The following SMIM14 variants were observed in gnomAD, a reference collection of about 807,000 sequenced individuals.
SMIM14 encodes the protein small integral membrane protein 14, also known as chromosome 4 open reading frame 34.
SMIM14 carries 5 observed loss-of-function variants against 12.6 expected under a neutral mutation model. The observed-to-expected ratio is 0.40, with a 90% CI of 0.21 to 0.83. The LOEUF (loss-of-function observed/expected upper bound fraction) is 0.83. Among genes scored for constraint, SMIM14 ranks in the 40% least tolerant of loss-of-function variants. SMIM14 has a pLI of 0.37. For synonymous variants in SMIM14, 30 were observed against 40.1 expected (o/e 0.75, Z 0.95); for missense variants, 86 against 119.1 (o/e 0.72, Z 1.29).
At chr4:39,598,093 CAA>C in intron 2 of SMIM14, among the ~76,000 whole-genome samples, 1 of 152,272 alleles carries the variant, frequency 6.6e-6, no homozygotes, top group East Asian at 1.9e-4. Context: ...GTCCTCCCCA[CAA>C]AAAGTTTTCT....
intron 1 of SMIM14, among the ~76,000 whole-genome samples, chr4:39,623,389 C>T (rs934140792): frequency 1.3e-5 from 2 of 152,202 alleles, no homozygotes; most frequent in East Asian, 1.9e-4. Context: ...CCCCTCTCCC[C>T]GACTCCATGC....
chr4:39,604,958 A>G, intron 2 of SMIM14, 113 bp downstream of exon 2: 1 of 691,916 alleles, frequency 1.4e-6, no homozygotes, highest in Non-Finnish European at 2.5e-6. Context: ...TCAATTATGA[A>G]ATACTCTTTA....
chr4:39,553,130 G>A (rs1009938218), intron 4 of SMIM14, among the ~76,000 whole-genome samples: 10 of 149,412 alleles, frequency 6.7e-5, no homozygotes, highest in African/African-American at 1.5e-4. Flanking sequence ...GTGAGATCTC[G>A]GCTCACTGCA....
At chr4:39,574,772 T>C (rs1469050778) in intron 2 of SMIM14, among the ~76,000 whole-genome samples, 1 of 152,164 alleles carries the variant, frequency 6.6e-6, no homozygotes, top group African/African-American at 2.4e-5. Context: ...AATTAACAAC[T>C]AAACGAATCA....
At chr4:39,575,069 C>T (rs902992926) in intron 2 of SMIM14, among the ~76,000 whole-genome samples, 8 of 145,238 alleles carry the variant, frequency 5.5e-5, no homozygotes, top group Admixed American at 4.3e-4. Context: ...TTAATAAGAA[C>T]GAGAAAATAG....
At chr4:39,563,640 A>T (rs1712431691) in intron 3 of SMIM14, among the ~76,000 whole-genome samples, 1 of 152,086 alleles carries the variant, frequency 6.6e-6, no homozygotes, top group South Asian at 2.1e-4. Flanking sequence ...CTTACAACTA[A>T]CTCCATTTAT....
intron 1 of SMIM14, among the ~76,000 whole-genome samples, chr4:39,619,826 GTATA>G (rs1481055561): frequency 8.1e-6 from 1 of 122,946 alleles, no homozygotes; most frequent in East Asian, 2.2e-4. Flanking sequence ...ATATTTATAT[GTATA>G]TATAAATGTA....
At chr4:39,605,202 T>C (rs1025993848) in intron 1 of SMIM14, 22 bp from the exon 2 acceptor site, 6 of 1,371,406 alleles carry the variant, frequency 4.4e-6, no homozygotes, top group South Asian at 1.3e-5. Flanking sequence ...GAAAAAATAC[T>C]GTTAAGTCTA....
At chr4:39,582,740 T>C (rs1399471208) in intron 2 of SMIM14, among the ~76,000 whole-genome samples, 1 of 152,114 alleles carries the variant, frequency 6.6e-6, no homozygotes, top group Non-Finnish European at 1.5e-5. Flanking sequence ...AGTAGCTAAA[T>C]TCTACTTCAG....
chr4:39,552,205 CA>C, intron 4 of SMIM14, 47 bp from the exon 5 acceptor site: 3 of 1,468,830 alleles, frequency 2.0e-6, no homozygotes, highest in Non-Finnish European at 2.7e-6. Context: ...TTTAAAAATT[CA>C]AAAAAATTTA....
chr4:39,625,692 A>G (rs1454992031), intron 1 of SMIM14, among the ~76,000 whole-genome samples: 1 of 152,224 alleles, frequency 6.6e-6, no homozygotes, highest in East Asian at 1.9e-4. Flanking sequence ...CAGTCTCCCA[A>G]AGTGCTGGGA....
At chr4:39,583,144 A>G (rs1411848069) in intron 2 of SMIM14, among the ~76,000 whole-genome samples, 1 of 152,086 alleles carries the variant, frequency 6.6e-6, no homozygotes, top group Non-Finnish European at 1.5e-5. Flanking sequence ...GCTGGTGTGC[A>G]GTGGCACAAT....
chr4:39,635,741 G>C (rs996971812), intron 1 of SMIM14, among the ~76,000 whole-genome samples: 2 of 152,170 alleles, frequency 1.3e-5, no homozygotes, highest in Admixed American at 1.3e-4. Context: ...GTTATTAGCA[G>C]ATTTAGGATA....
rs190272670 is a variant in SMIM14, at chr4:39,579,608, C to A, written c.76-7145G>T. Reference sequence around the variant, plus strand: ...TTGTAATCCCAGCGCTTTGAAAGGCCGAGGTGGGCAGATCACTTGAGGTCA... The same window carrying A: ...TTGTAATCCCAGCGCTTTGAAAGGCAGAGGTGGGCAGATCACTTGAGGTCA... On this transcript the variant is annotated intron_variant, in intron 2 of 4. Transcript: ENST00000295958. 2.4e-3 allele frequency among the ~76,000 whole-genome samples: 363 copies of A among 151,142 alleles called. 2 individuals are homozygous for A. Among genetic ancestry groups the A allele is most frequent in the African/African-American group, 8.5e-3 (351 of 41,180 alleles).
At chr4:39,592,136 C>T (rs546117382) in intron 2 of SMIM14, among the ~76,000 whole-genome samples, 8 of 151,964 alleles carry the variant, frequency 5.3e-5, no homozygotes, top group Non-Finnish European at 1.0e-4. Context: ...TTCAAGGCTG[C>T]AGTGATCTAT....
At chr4:39,613,617 A>G (rs1042651999) in intron 1 of SMIM14, among the ~76,000 whole-genome samples, 2 of 152,206 alleles carry the variant, frequency 1.3e-5, no homozygotes, top group Non-Finnish European at 2.9e-5. Context: ...AAGCTGCTCT[A>G]TCCTAGGCAA....
At chr4:39,572,264 T>C in intron 3 of SMIM14, 151 bp downstream of exon 3, 1 of 552,034 alleles carries the variant, frequency 1.8e-6, no homozygotes, top group Non-Finnish European at 3.1e-6. Context: ...ATTTCTTTTG[T>C]GCGTATGTGT....
At chr4:39,571,657 G>A (rs894673343) in intron 3 of SMIM14, among the ~76,000 whole-genome samples, 1 of 152,148 alleles carries the variant, frequency 6.6e-6, no homozygotes, top group Non-Finnish European at 1.5e-5. Context: ...ATGTTAGGGA[G>A]AGAGTGAATG....
chr4:39,573,754 A>T (rs1713019093), intron 2 of SMIM14, among the ~76,000 whole-genome samples: 1 of 152,184 alleles, frequency 6.6e-6, no homozygotes, highest in Non-Finnish European at 1.5e-5. Flanking sequence ...AAGGAAGCAT[A>T]AAGAATCAGT....
Sources: gnomAD v4.1 joint callset for allele counts (sites outside exome capture counted in the v4.1 genomes callset) on GRCh38, gnomAD v4.1.1 for gene constraint, MANE v1.5 for transcripts, NCBI Gene and HGNC (gene_info 2026-07-23, HGNC 2026-07-21) for gene names.